Variants in ATP13A4 observed in about 807,000 individuals in gnomAD.
ATP13A4 encodes the protein ATPase 13A4.
A neutral mutation model predicts 142.5 loss-of-function variants in ATP13A4; 114 were observed. The ratio of observed to expected loss-of-function variants is 0.80; its 90% CI spans 0.69 to 0.93. The LOEUF is 0.93. Ranked by LOEUF, ATP13A4 falls within the 40% of genes least tolerant of loss-of-function variation. The pLI, the probability that ATP13A4 is intolerant of heterozygous loss-of-function variation, is 0.00. For missense variants in ATP13A4, 1,392 were observed against 1,454.0 expected, an observed-to-expected ratio of 0.96 and a Z score of 0.69; for synonymous variants, 488 against 514.8, an observed-to-expected ratio of 0.95 and a Z score of 0.70.
chr3:193,421,001 AATATG>A (rs1231186771), intron 25 of ATP13A4, among the ~76,000 whole-genome samples: 1 of 150,048 alleles, frequency 6.7e-6, no homozygotes, highest in Non-Finnish European at 1.5e-5. Flanking sequence ...CATTTTATTT[AATATG>A]ATAAGTGCTG....
intron 1 of ATP13A4, among the ~76,000 whole-genome samples, chr3:193,516,576 G>A (rs751877513): frequency 1.1e-4 from 17 of 152,258 alleles, no homozygotes; most frequent in Non-Finnish European, 2.2e-4. Flanking sequence ...TACTTGTCCT[G>A]AGTCCAGCTA....
intron 2 of ATP13A4, among the ~76,000 whole-genome samples, chr3:193,509,857 T>C (rs1721050782): frequency 6.6e-6 from 1 of 152,218 alleles, no homozygotes; most frequent in African/African-American, 2.4e-5. Context: ...GTGTGTTGAC[T>C]CCTCACTAGA....
chr3:193,552,870 T>C (rs545649597), intron 1 of ATP13A4, among the ~76,000 whole-genome samples: 39 of 152,338 alleles, frequency 2.6e-4, no homozygotes, highest in African/African-American at 8.7e-4. Flanking sequence ...TGAGGAAAAC[T>C]AAATTAGCTA....
chr3:193,502,450 A>G, intron 3 of ATP13A4, 43 bp downstream of exon 3: 2 of 1,599,872 alleles, frequency 1.3e-6, no homozygotes, highest in South Asian at 1.1e-5. Flanking sequence ...GGGGAAAAAG[A>G]TTAAATCTCT....
chr3:193,500,598 C>T (rs1231791786), intron 3 of ATP13A4, among the ~76,000 whole-genome samples: 2 of 152,182 alleles, frequency 1.3e-5, no homozygotes, highest in Non-Finnish European at 2.9e-5. Flanking sequence ...GGATTTCACT[C>T]CTATGAGAAT....
intron 7 of ATP13A4, among the ~76,000 whole-genome samples, chr3:193,489,238 C>G (rs1719807150): frequency 6.6e-6 from 1 of 152,112 alleles, no homozygotes; most frequent in Admixed American, 6.6e-5. Flanking sequence ...GTGCAACCAA[C>G]CAATCTGTTC....
At chr3:193,525,447 T>A (rs1179216762) in intron 1 of ATP13A4, among the ~76,000 whole-genome samples, 1 of 152,208 alleles carries the variant, frequency 6.6e-6, no homozygotes. Flanking sequence ...CCTTTATCCC[T>A]GGGTATCATT....
chr3:193,435,574 G>T, intron 24 of ATP13A4, 74 bp downstream of exon 24: 1 of 1,133,178 alleles, frequency 8.8e-7, no homozygotes, highest in Non-Finnish European at 1.3e-6. Context: ...TTCTTTGAGA[G>T]GCATTGTAAA....
At position 193,465,057 on chromosome 3, in the gene ATP13A4, A is replaced by C. The variant is rs144302925; in HGVS notation, c.1344T>G (p.Ala448=). The change falls in exon 12 of 30, where the codon GCT becomes GCG. Residue 448 remains alanine, a synonymous_variant. Transcript: ENST00000342695. ...CATAGATAATGCCTGTGGTCAGAGC[A>C]GCAGGTAGAGCCGGAGGAACCGCAA... ...ITIAVPPALP[A]ALTTGIIYAQ... 1.1e-5 allele frequency: 17 copies of C among 1,614,042 alleles called. No individual in the cohort carries two copies. In the African/African-American group the frequency reaches 2.3e-4, roughly 22 times the overall value.
Position 193,554,844 on chromosome 3 carries a change from G to C in ATP13A4, c.-45C>G. The C allele has an allele frequency of 6.2e-7, 1 of 1,613,666 alleles. No individual in the cohort carries two copies. Among genetic ancestry groups the C allele is most frequent in the Non-Finnish European group, 8.5e-7 (1 of 1,179,982 alleles). On this transcript the variant is annotated 5_prime_UTR_variant, in exon 1 of 30. Coordinates refer to ENST00000342695, the MANE Select transcript of ATP13A4 (RefSeq NM_032279.4). ...TCCTCCCTGACCTTGTCGTGCAGAC[G>C]CTTCCAGGATGAACTCCAACTCGCC... is the stretch of plus-strand genomic sequence containing the variant.
At position 193,504,024 on chromosome 3, in the gene ATP13A4, A is replaced by T. The variant is rs556322789; in HGVS notation, c.235-1385T>A. Among the ~76,000 whole-genome samples the T allele has an allele frequency of 2.0e-3, 236 of 116,304 alleles. 1 individual carries two copies. Among genetic ancestry groups the T allele is most frequent in the African/African-American group, 5.3e-3 (161 of 30,602 alleles). 76.3% of individuals were successfully genotyped at this position (116,304 alleles called of 152,430 possible). A position where few individuals can be genotyped will look rare whatever the true frequency, so the allele number is the denominator to read the frequency against. ...GTGTGTGTGTGTGTGTGTGTGTGAG[A>T]GAGAGAGAGAGAGAGAGAAAGAGAG... On this transcript the variant is annotated intron_variant, in intron 2 of 29. Transcript: ENST00000342695.
At position 193,401,031 on chromosome 3, in the gene ATP13A4, C is replaced by T. The variant is rs1057486856; in HGVS notation, c.*1621G>A. 3.9e-5 allele frequency among the ~76,000 whole-genome samples: 6 copies of T among 152,150 alleles called. No homozygotes were observed. Among genetic ancestry groups the T allele is most frequent in the African/African-American group, 1.2e-4 (5 of 41,432 alleles). On this transcript the variant is annotated 3_prime_UTR_variant, in exon 30 of 30. Coordinates refer to ENST00000342695, the MANE Select transcript of ATP13A4 (RefSeq NM_032279.4). ...TTAAAACCAGAAGTAACAGGGTACC[C>T]TCATGGCTGGGAGACACCATGTTCC...
rs1298132691 is a variant in ATP13A4, at chr3:193,412,172, A to G, written c.3208+6T>C. On this transcript the variant is annotated splice_donor_region_variant and intron_variant, in intron 27 of 29. Coordinates refer to ENST00000342695, the MANE Select transcript of ATP13A4 (RefSeq NM_032279.4). Reference sequence around the variant, plus strand: ...CTCACCTCTGATGCAGTACAGTTCTACTCACAGTTTGTATAAGTTGGCTGT... The same window carrying G: ...CTCACCTCTGATGCAGTACAGTTCTGCTCACAGTTTGTATAAGTTGGCTGT... The G allele has an allele frequency of 1.9e-6, 3 of 1,590,468 alleles. No individual in the cohort carries two copies. Among genetic ancestry groups the G allele is most frequent in the African/African-American group, 1.3e-5 (1 of 74,452 alleles).
intron 1 of ATP13A4, among the ~76,000 whole-genome samples, chr3:193,545,294 C>T (rs745953773): frequency 5.3e-5 from 8 of 152,172 alleles, no homozygotes; most frequent in Non-Finnish European, 1.0e-4. Flanking sequence ...GAAGTGATTA[C>T]AGTTTTAGCC....
At chr3:193,440,466 G>C (rs1716562145) in intron 21 of ATP13A4, 92 bp downstream of exon 21, 12 of 1,591,260 alleles carry the variant, frequency 7.5e-6, no homozygotes, top group Non-Finnish European at 1.0e-5. Context: ...CACTGCCCTT[G>C]TCAAACTGAG....
intron 8 of ATP13A4, among the ~76,000 whole-genome samples, chr3:193,482,255 C>T (rs568499148): frequency 1.3e-5 from 2 of 151,700 alleles, no homozygotes; most frequent in Non-Finnish European, 2.9e-5. Flanking sequence ...AAAAGATGAC[C>T]CTCAATCGAA....
chr3:193,563,054 T>G (rs943323442), intron 2 of ATP13A4, among the ~76,000 whole-genome samples: 1 of 152,092 alleles, frequency 6.6e-6, no homozygotes, highest in Non-Finnish European at 1.5e-5. Flanking sequence ...TAAGATTGTA[T>G]ACATGCCCAG....
intron 5 of ATP13A4, among the ~76,000 whole-genome samples, chr3:193,491,732 A>C (rs1272062409): frequency 6.6e-6 from 1 of 152,124 alleles, no homozygotes; most frequent in Non-Finnish European, 1.5e-5. Context: ...GTCTCTCCTC[A>C]ATTCCGGTTT....
At chr3:193,521,632 C>A (rs1031070972) in intron 1 of ATP13A4, among the ~76,000 whole-genome samples, 1 of 151,978 alleles carries the variant, frequency 6.6e-6, no homozygotes, top group African/African-American at 2.4e-5. Flanking sequence ...TTTGCTGAAC[C>A]CTTAAAAACT....
Sources: gnomAD v4.1 joint callset for allele counts (sites outside exome capture counted in the v4.1 genomes callset) on GRCh38, gnomAD v4.1.1 for gene constraint, MANE v1.5 for transcripts, NCBI Gene and HGNC (gene_info 2026-07-23, HGNC 2026-07-21) for gene names.